Variants in GIP observed in about 807,000 individuals in gnomAD.
The protein encoded by GIP is glucose-dependent insulinotropic polypeptide.
A neutral mutation model predicts 18.1 loss-of-function variants in GIP; 16 were observed. The observed-to-expected ratio is 0.88, with a 90% CI of 0.60 to 1.34. The LOEUF (loss-of-function observed/expected upper bound fraction) is 1.34, where lower values mean the gene tolerates loss of function less well. Ranked by LOEUF, GIP falls within the 40% of genes most tolerant of loss-of-function variation. The pLI is 0.00. For missense variants in GIP, 192 were observed against 183.4 expected (o/e 1.05, Z -0.27); for synonymous variants, 76 against 74.0 (o/e 1.03, Z -0.14).
At position 48,968,159 on chromosome 17, in the gene GIP, C is replaced by T. The variant is rs541784361; in HGVS notation, c.-22+358G>A. Among the ~76,000 whole-genome samples, 20 of 152,112 alleles carry T rather than the reference C, an allele frequency of 1.3e-4. 1 individual carries two copies. Among genetic ancestry groups the T allele is most frequent in the African/African-American group, 4.1e-4 (17 of 41,528 alleles). On this transcript the variant is annotated intron_variant, in intron 1 of 5. Transcript: ENST00000357424. ...CCGGGTTGGAGTGCAGTGACACAATCGTGGCTCACTGCAGCCTCGACCTCC... is the reference window on the plus strand; with the variant it reads ...CCGGGTTGGAGTGCAGTGACACAATTGTGGCTCACTGCAGCCTCGACCTCC...
At position 48,960,939 on chromosome 17, in the gene GIP, C is replaced by T. The variant is rs200446054; in HGVS notation, c.399G>A (p.Leu133=). The T allele has an allele frequency of 5.7e-5, 92 of 1,609,644 alleles. No individual in the cohort carries two copies. In the African/African-American group the frequency reaches 1.1e-3, roughly 19 times the overall value. The change falls in exon 5 of 6, where the codon CTG becomes CTA. Residue 133 remains leucine (L), a synonymous_variant. Transcript: ENST00000357424. ...GCAAGCAGGCCAACAGCTCTTGAAT[C>T]AGCAAGTCCCGCAGCAAATCTTCAT... ...PSDEDLLRDL[L]IQELLACLLD...
At chr17:48,961,266 A>G (rs1279105407) in intron 4 of GIP, among the ~76,000 whole-genome samples, 1 of 152,178 alleles carries the variant, frequency 6.6e-6, no homozygotes, top group Non-Finnish European at 1.5e-5. Flanking sequence ...GTGTTCCAGA[A>G]TGCAGAGAGT....
In GIP at chr17:48,964,443, C is replaced by CCTTA. The variant is rs2041222404; in HGVS notation, c.120_123dup (p.Val42Ter). 2.5e-6 allele frequency: 4 copies of CCTTA among 1,614,038 alleles called. No individual in the cohort carries two copies. In the African/African-American group the frequency reaches 4.0e-5, roughly 16 times the overall value. On this transcript the variant is annotated stop_gained and frameshift_variant, in exon 3 of 6. Coordinates refer to ENST00000357424, the MANE Select transcript of GIP (RefSeq NM_004123.3). LOFTEE classifies it high-confidence loss of function. ...GGGCCTCGAGGTTGAGGGCTGCTCA[C>CCTTA]CTTAGCATGAGATCCAACAGGCAGG...
intron 3 of GIP, among the ~76,000 whole-genome samples, chr17:48,963,090 G>C (rs921058427): frequency 4.3e-4 from 2 of 4,630 alleles, no homozygotes; most frequent in Non-Finnish European, 0.011. Flanking sequence ...CTGGGTGACA[G>C]AGCAAAAAAA....
At chr17:48,959,788 GCTCGGTGGGT>G in intron 5 of GIP, among the ~76,000 whole-genome samples, 1 of 133,016 alleles carries the variant, frequency 7.5e-6, no homozygotes, top group Non-Finnish European at 1.7e-5. Context: ...GATGGGCTCA[GCTCGGTGGGT>G]AGGGACAGGC....
chr17:48,961,494 A>G (rs1185599413), intron 4 of GIP, among the ~76,000 whole-genome samples: 1 of 151,966 alleles, frequency 6.6e-6, no homozygotes, highest in Non-Finnish European at 1.5e-5. Context: ...CAATATTAGA[A>G]ACCCTGTCCC....
intron 2 of GIP, among the ~76,000 whole-genome samples, chr17:48,966,214 G>A (rs970744074): frequency 2.1e-5 from 3 of 146,238 alleles, no homozygotes; most frequent in African/African-American, 7.7e-5. Context: ...CCAAGATCGC[G>A]CCAGTGCACT....
intron 3 of GIP, among the ~76,000 whole-genome samples, chr17:48,963,937 G>C (rs1262467293): frequency 6.7e-6 from 1 of 148,898 alleles, no homozygotes; most frequent in African/African-American, 2.5e-5. Flanking sequence ...GGTGGATCAC[G>C]AGGTCAGATC....
At chr17:48,965,833 T>C (rs2041233270) in intron 2 of GIP, among the ~76,000 whole-genome samples, 1 of 152,136 alleles carries the variant, frequency 6.6e-6, no homozygotes, top group Non-Finnish European at 1.5e-5. Flanking sequence ...TCTATTTATA[T>C]CCCCATTTTG....
At chr17:48,963,545 A>G (rs1055229156) in intron 3 of GIP, among the ~76,000 whole-genome samples, 10 of 151,752 alleles carry the variant, frequency 6.6e-5, no homozygotes, top group African/African-American at 2.2e-4. Context: ...CTGTAGTCCC[A>G]GCTACTCAGG....
At chr17:48,966,751 A>C (rs1009986214) in intron 2 of GIP, among the ~76,000 whole-genome samples, 5 of 152,046 alleles carry the variant, frequency 3.3e-5, no homozygotes, top group Non-Finnish European at 7.4e-5. Flanking sequence ...GGCTGCAGTG[A>C]GCTGCGATCA....
At chr17:48,967,361 T>TTTC in intron 1 of GIP, 108 bp from the exon 2 acceptor site, 2 of 109,574 alleles carry the variant, frequency 1.8e-5, no homozygotes, top group East Asian at 2.6e-4. Flanking sequence ...TCCTTTTTCT[T>TTTC]TTTTTTTTTT....
intron 2 of GIP, among the ~76,000 whole-genome samples, chr17:48,965,861 G>C (rs558583405): frequency 3.3e-4 from 50 of 152,112 alleles, no homozygotes; most frequent in Non-Finnish European, 6.6e-4. Context: ...AGAAACCAAG[G>C]TGCAGAGATT....
At chr17:48,967,959 T>A (rs9910001) in intron 1 of GIP, among the ~76,000 whole-genome samples, 1 of 150,978 alleles carries the variant, frequency 6.6e-6, no homozygotes, top group Non-Finnish European at 1.5e-5. Flanking sequence ...GGCTGAGGCA[T>A]GAGAATCGCT....
At chr17:48,967,079 A>T in intron 2 of GIP, 68 bp downstream of exon 2, 4 of 1,215,448 alleles carry the variant, frequency 3.3e-6, no homozygotes, top group Non-Finnish European at 4.9e-6. Context: ...TCCCCCTAGA[A>T]ACAAATCCAG....
At chr17:48,966,767 C>G (rs2041238116) in intron 2 of GIP, among the ~76,000 whole-genome samples, 1 of 151,338 alleles carries the variant, frequency 6.6e-6, no homozygotes. Flanking sequence ...GATCACGCCA[C>G]TGCACTCCAG....
intron 2 of GIP, among the ~76,000 whole-genome samples, chr17:48,965,718 A>C (rs1373245523): frequency 6.6e-6 from 1 of 151,546 alleles, no homozygotes; most frequent in African/African-American, 2.4e-5. Context: ...TCCTTGGTTC[A>C]CATTCCATAA....
rs762662259 is a variant in GIP at position 48,964,296 on chromosome 17, A to G, written c.257+14T>C. On this transcript the variant is annotated intron_variant, in intron 3 of 5. Coordinates refer to ENST00000357424, the MANE Select transcript of GIP (RefSeq NM_004123.3). Reference sequence around the variant, plus strand: ...CCGGCACAGGGAACAGGAGGAGTGTAAGCAGCGACTCACTCATTCTTCTTC... The same window carrying G: ...CCGGCACAGGGAACAGGAGGAGTGTGAGCAGCGACTCACTCATTCTTCTTC... 1.9e-6 allele frequency: 3 copies of G among 1,608,346 alleles called. No homozygotes were observed. The highest frequency in any genetic ancestry group is 3.3e-5 in the Admixed American group (2 of 59,942).
chr17:48,959,708 C>T (rs1156269703), intron 5 of GIP, among the ~76,000 whole-genome samples: 1 of 152,120 alleles, frequency 6.6e-6, no homozygotes, highest in Non-Finnish European at 1.5e-5. Context: ...GTGCCATGGC[C>T]CAAGGGTACA....
Sources: allele counts gnomAD v4.1 joint callset (sites outside exome capture counted in the v4.1 genomes callset), GRCh38; gene constraint gnomAD v4.1.1; transcripts MANE v1.5; gene names NCBI Gene and HGNC (gene_info 2026-07-23, HGNC 2026-07-21).